The following DNAJC15 variants were observed in gnomAD, a reference collection of about 807,000 sequenced individuals.
DNAJC15 encodes DnaJ heat shock protein family (Hsp40) member C15.
DNAJC15 carries 27 observed loss-of-function variants against 22.4 expected under a neutral mutation model. The observed-to-expected ratio is 1.20, with a 90% CI of 0.89 to 1.66. The LOEUF is 1.66. DNAJC15 is among the 40% of genes most tolerant of loss of function. The pLI, the probability that DNAJC15 is intolerant of heterozygous loss-of-function variation, is 0.00. For synonymous variants in DNAJC15, 79 were observed against 63.2 expected, an observed-to-expected ratio of 1.25 and a Z score of -1.19; for missense variants, 208 against 187.1, an observed-to-expected ratio of 1.11 and a Z score of -0.65.
Position 43,109,624 on chromosome 13 carries a change from T to C in DNAJC15, c.*2376T>C, listed in dbSNP as rs74765116. The stretch of plus-strand genomic sequence containing the variant: ...GGTTTTGAATACTATCTTCCTGTTA[T>C]GTGATCTTGGGCAGTTACTTAATTT... On this transcript the variant is annotated 3_prime_UTR_variant, in exon 6 of 6. Transcript: ENST00000379221. The C allele has an allele frequency of 2.0e-5, 3 of 152,300 alleles. No homozygotes were observed. Among genetic ancestry groups the C allele is most frequent in the East Asian group, 1.9e-4 (1 of 5,178 alleles). The allele number at this position is 152,300 out of a possible 1,614,324, so 9.4% of individuals were successfully genotyped here.
intron 1 of DNAJC15, among the ~76,000 whole-genome samples, chr13:43,024,902 A>T (rs2040373038): frequency 6.8e-6 from 1 of 147,456 alleles, no homozygotes; most frequent in African/African-American, 2.5e-5. Context: ...CTAAAAAAAA[A>T]AAAAAAAAAT....
chr13:43,064,377 G>A (rs1219616301), intron 1 of DNAJC15, among the ~76,000 whole-genome samples: 1 of 152,160 alleles, frequency 6.6e-6, no homozygotes, highest in Non-Finnish European at 1.5e-5. Context: ...ATGGCTGAAT[G>A]GCTTTTTGGT....
chr13:43,072,438 T>G (rs1195828161), intron 3 of DNAJC15, among the ~76,000 whole-genome samples: 2 of 152,166 alleles, frequency 1.3e-5, no homozygotes, highest in South Asian at 4.1e-4. Context: ...TCTCTTACCA[T>G]TTTATCTCTT....
intron 1 of DNAJC15, among the ~76,000 whole-genome samples, chr13:43,060,738 A>G (rs1411012124): frequency 6.6e-6 from 1 of 152,184 alleles, no homozygotes. Flanking sequence ...AGAGCCTGAG[A>G]AACAGCTTGG....
intron 5 of DNAJC15, among the ~76,000 whole-genome samples, chr13:43,088,036 G>A (rs1046331078): frequency 6.6e-6 from 1 of 152,140 alleles, no homozygotes; most frequent in Non-Finnish European, 1.5e-5. Flanking sequence ...TATGAAATGA[G>A]TAGTTTTACA....
At chr13:43,032,404 A>G (rs1211122818) in intron 1 of DNAJC15, among the ~76,000 whole-genome samples, 1 of 152,262 alleles carries the variant, frequency 6.6e-6, no homozygotes, top group Admixed American at 6.5e-5. Context: ...GCAGTGTTAG[A>G]AAACACTTTT....
intron 3 of DNAJC15, among the ~76,000 whole-genome samples, chr13:43,069,452 G>A (rs1184296533): frequency 6.6e-6 from 1 of 152,078 alleles, no homozygotes; most frequent in Non-Finnish European, 1.5e-5. Context: ...CATCATGCCT[G>A]GCCATCTCAA....
chr13:43,060,545 A>C (rs1456149119), intron 1 of DNAJC15, among the ~76,000 whole-genome samples: 1 of 152,166 alleles, frequency 6.6e-6, no homozygotes, highest in Non-Finnish European at 1.5e-5. Flanking sequence ...TTATGTTGTC[A>C]TATACCAGGC....
At chr13:43,095,835 G>A (rs1414300826) in intron 5 of DNAJC15, among the ~76,000 whole-genome samples, 2 of 152,096 alleles carry the variant, frequency 1.3e-5, no homozygotes, top group African/African-American at 4.8e-5. Flanking sequence ...AGACTTTGAT[G>A]ACCTTAAAAA....
At chr13:43,070,072 A>T (rs1005829751) in intron 3 of DNAJC15, among the ~76,000 whole-genome samples, 21 of 152,314 alleles carry the variant, frequency 1.4e-4, no homozygotes, top group Middle Eastern at 3.4e-3. Flanking sequence ...TTCAATGTTT[A>T]TGTATAGTAT....
intron 5 of DNAJC15, among the ~76,000 whole-genome samples, chr13:43,088,353 A>C (rs1305444543): frequency 6.6e-6 from 1 of 152,140 alleles, no homozygotes; most frequent in East Asian, 1.9e-4. Context: ...CTGCCTCCTA[A>C]ATCTGGGCTT....
chr13:43,025,555 A>G (rs768671056), intron 1 of DNAJC15, among the ~76,000 whole-genome samples: 45 of 152,218 alleles, frequency 3.0e-4, no homozygotes, highest in Non-Finnish European at 5.7e-4. Flanking sequence ...ATAACTTTTA[A>G]TAATCAATAT....
chr13:43,094,863 C>T (rs1247146063), intron 5 of DNAJC15, among the ~76,000 whole-genome samples: 2 of 152,162 alleles, frequency 1.3e-5, no homozygotes, highest in African/African-American at 2.4e-5. Flanking sequence ...CACCAAGAAT[C>T]ATCAAATAAT....
At chr13:43,063,861 T>G (rs1028734) in intron 1 of DNAJC15, among the ~76,000 whole-genome samples, 48,871 of 152,070 alleles carry the variant, frequency 0.32, 7,963 homozygotes, top group African/African-American at 0.39. Flanking sequence ...ATTCACATAT[T>G]AAATAGTTGA....
chr13:43,088,130 T>A lies in DNAJC15; in HGVS notation c.382+2292T>A, dbSNP rs114394670. ...CTGTCTAATGCAGTCTTAATCAATG[T>A]GTATTTTGCCTATTCTTACCAGTCC... is the stretch of plus-strand genomic sequence containing the variant. On this transcript the variant is annotated intron_variant, in intron 5 of 5. Coordinates refer to ENST00000379221, the MANE Select transcript of DNAJC15 (RefSeq NM_013238.3). Among the ~76,000 whole-genome samples, 421 of 152,314 alleles carry A rather than the reference T, an allele frequency of 2.8e-3. 2 individuals carry two copies. Among genetic ancestry groups the A allele is most frequent in the African/African-American group, 9.9e-3 (410 of 41,572 alleles).
intron 5 of DNAJC15, among the ~76,000 whole-genome samples, chr13:43,106,887 G>T (rs1159565792): frequency 6.6e-6 from 1 of 151,032 alleles, no homozygotes; most frequent in Non-Finnish European, 1.5e-5. Flanking sequence ...TCAAATACTT[G>T]AAAGGTGAAT....
At chr13:43,088,107 G>A (rs554828480) in intron 5 of DNAJC15, among the ~76,000 whole-genome samples, 1 of 152,276 alleles carries the variant, frequency 6.6e-6, no homozygotes, top group South Asian at 2.1e-4. Flanking sequence ...CTTACAGGCT[G>A]TCTAATGCAG....
chr13:43,090,571 T>A (rs1486711429), intron 5 of DNAJC15, among the ~76,000 whole-genome samples: 1 of 152,156 alleles, frequency 6.6e-6, no homozygotes, highest in Non-Finnish European at 1.5e-5. Context: ...CCTCTATTCA[T>A]GAAAAAAACT....
At chr13:43,079,769 C>A (rs561029707) in intron 4 of DNAJC15, among the ~76,000 whole-genome samples, 5 of 152,196 alleles carry the variant, frequency 3.3e-5, no homozygotes, top group African/African-American at 1.2e-4. Flanking sequence ...TTATGCAGGG[C>A]ACTTACGTTG....
Sources: allele counts gnomAD v4.1 joint callset (sites outside exome capture counted in the v4.1 genomes callset), GRCh38; gene constraint gnomAD v4.1.1; transcripts MANE v1.5; gene names NCBI Gene and HGNC (gene_info 2026-07-23, HGNC 2026-07-21).